Variants in CARMIL3 observed in about 807,000 individuals in gnomAD.
The protein encoded by CARMIL3 is capping protein regulator and myosin 1 linker 3.
CARMIL3 carries 88 observed loss-of-function variants against 180.8 expected under a neutral mutation model. The ratio of observed to expected loss-of-function variants is 0.49; its 90% CI spans 0.41 to 0.58. The LOEUF (loss-of-function observed/expected upper bound fraction) is 0.58. CARMIL3 is among the 20% of genes least tolerant of loss of function. The pLI is 0.00. For missense variants in CARMIL3, 1,548 were observed against 1,787.0 expected (o/e 0.87, Z 2.41); for synonymous variants, 696 against 714.5 (o/e 0.97, Z 0.41).
chr14:24,066,892 C>T (rs543044900), intron 36 of CARMIL3, among the ~76,000 whole-genome samples: 3 of 152,350 alleles, frequency 2.0e-5, no homozygotes, highest in Admixed American at 6.5e-5. Flanking sequence ...CAAACAGGAG[C>T]GATGCTTTGT....
intron 24 of CARMIL3, 54 bp from the exon 25 acceptor site, chr14:24,060,574 C>T: frequency 1.2e-6 from 2 of 1,600,548 alleles, no homozygotes; most frequent in Non-Finnish European, 1.7e-6. Flanking sequence ...GGGGTCCTAC[C>T]TGCGAAGATG....
In CARMIL3 at chr14:24,055,633, G is replaced by T. The variant is rs371319170; in HGVS notation, c.681+15G>T. 6.2e-7 allele frequency: 1 copy of T among 1,614,080 alleles called. No homozygotes were observed. The highest frequency in any genetic ancestry group is 8.5e-7 in the Non-Finnish European group (1 of 1,179,986). On this transcript the variant is annotated intron_variant, in intron 9 of 39. Transcript: ENST00000342740. The stretch of plus-strand genomic sequence containing the variant: ...ACTTGCGGCTGGTAGGAACTGGGAG[G>T]GGCTGGTGAGGTGGGAGAAGTAGTG...
At chr14:24,064,609 G>A (rs898993304) in intron 32 of CARMIL3, among the ~76,000 whole-genome samples, 4 of 152,074 alleles carry the variant, frequency 2.6e-5, no homozygotes, top group Non-Finnish European at 5.9e-5. Flanking sequence ...AGAGGGAGGT[G>A]GGGGGCAGCC....
Position 24,069,650 on chromosome 14 carries a change from C to T in CARMIL3, c.*246C>T, listed in dbSNP as rs556165567. 12 of 570,366 alleles carry T rather than the reference C, an allele frequency of 2.1e-5. No homozygotes were observed. Among genetic ancestry groups the T allele is most frequent in the African/African-American group, 1.9e-4 (10 of 53,386 alleles). The allele number at this position is 570,366 out of a possible 1,614,324, so 35.3% of individuals were successfully genotyped here. On this transcript the variant is annotated 3_prime_UTR_variant, in exon 40 of 40. Coordinates refer to ENST00000342740, the MANE Select transcript of CARMIL3 (RefSeq NM_138360.4). Reference sequence around the variant, plus strand: ...GCTTCTGGGTGGGGGCTTATCTCCTCCCCCAGGAGGGTGGATCTCTGTCCC... The same window carrying T: ...GCTTCTGGGTGGGGGCTTATCTCCTTCCCCAGGAGGGTGGATCTCTGTCCC...
chr14:24,065,737 A>G lies in CARMIL3; in HGVS notation c.3512A>G (p.Asp1171Gly). ...GLERAKGWSF[D>G]GKREGPGPDQ... ...GAAAGAGCCAAGGGTTGGAGCTTCGATGGGAAACGAGAGGTGAGTGGAGCC... is the reference window on the plus strand; with the variant it reads ...GAAAGAGCCAAGGGTTGGAGCTTCGGTGGGAAACGAGAGGTGAGTGGAGCC... The change falls in exon 34 of 40, where the codon GAT becomes GGT. Residue 1171 changes from aspartate (D) to glycine (G), a missense_variant. This residue lies in a region of CARMIL3 where 668 missense variants were observed against 687.8 expected (regional missense o/e 0.97). Coordinates refer to ENST00000342740, the MANE Select transcript of CARMIL3 (RefSeq NM_138360.4). The G allele has an allele frequency of 6.2e-7, 1 of 1,614,014 alleles. No individual in the cohort carries two copies. Among genetic ancestry groups the G allele is most frequent in the Non-Finnish European group, 8.5e-7 (1 of 1,179,896 alleles).
In CARMIL3 at chr14:24,054,907, G is replaced by T; in HGVS notation, c.460+99G>T. ...GGTGTTGCCTGGGCGGGCGGGCTTT[G>T]CCTGCCTGAAGGACTCCCAGCTCCC... On this transcript the variant is annotated intron_variant, in intron 6 of 39. Transcript: ENST00000342740. The surrounding 1 kb of genome is among the most constrained non-coding windows in gnomAD (Gnocchi z 5.1). 7.0e-7 allele frequency: 1 copy of T among 1,427,214 alleles called. No homozygotes were observed. The highest frequency in any genetic ancestry group is 9.7e-7 in the Non-Finnish European group (1 of 1,029,904). 88.4% of individuals were successfully genotyped at this position (1,427,214 alleles called of 1,614,324 possible).
At chr14:24,067,553 CT>C (rs2035799533) in intron 36 of CARMIL3, among the ~76,000 whole-genome samples, 1 of 152,274 alleles carries the variant, frequency 6.6e-6, no homozygotes, top group Non-Finnish European at 1.5e-5. Context: ...GCATCTGCCC[CT>C]CTCTCCCCTG....
intron 29 of CARMIL3, 91 bp from the exon 30 acceptor site, chr14:24,063,029 G>A (rs974721609): frequency 2.0e-5 from 31 of 1,557,404 alleles, no homozygotes; most frequent in Admixed American, 3.4e-5. Flanking sequence ...CCTGAGGAGC[G>A]AGGGGCAGGA....
At position 24,058,287 on chromosome 14, in the gene CARMIL3, G is replaced by A; in HGVS notation, c.1392+63G>A. 1 of 1,537,778 alleles carries A rather than the reference G, an allele frequency of 6.5e-7. No individual in the cohort carries two copies. The highest frequency in any genetic ancestry group is 8.8e-7 in the Non-Finnish European group (1 of 1,133,054). ...ATCCATGTGCATTTCTCAGACCTAA[G>A]TCAAACCCTGGCTCCATCTAGCCTC... On this transcript the variant is annotated intron_variant, in intron 17 of 39. Coordinates refer to ENST00000342740, the MANE Select transcript of CARMIL3 (RefSeq NM_138360.4). The surrounding 1 kb of genome is among the most constrained non-coding windows in gnomAD (Gnocchi z 6.4).
At chr14:24,056,512 C>T (rs1036673022) in intron 11 of CARMIL3, 110 bp from the exon 12 acceptor site, 3 of 1,453,046 alleles carry the variant, frequency 2.1e-6, no homozygotes, top group East Asian at 4.6e-5. Context: ...CCTGACACCT[C>T]CATCCTTGAC....
chr14:24,061,823 G>A lies in CARMIL3; in HGVS notation c.2480+151G>A. ...TAACCAAGTGCAACCTTGCTATTTA[G>A]GGTCTGGCTGGTCTTTGCCCTAGAA... On this transcript the variant is annotated intron_variant, in intron 27 of 39. Transcript: ENST00000342740. The surrounding 1 kb of genome is among the most constrained non-coding windows in gnomAD (Gnocchi z 4.1). 4 of 931,560 alleles carry A rather than the reference G, an allele frequency of 4.3e-6. No individual in the cohort carries two copies. Among genetic ancestry groups the A allele is most frequent in the Non-Finnish European group, 6.2e-6 (4 of 642,612 alleles). 57.7% of individuals were successfully genotyped at this position (931,560 alleles called of 1,614,324 possible).
At chr14:24,065,581 T>G in intron 33 of CARMIL3, 41 bp from the exon 34 acceptor site, 1 of 1,568,352 alleles carries the variant, frequency 6.4e-7, no homozygotes, top group Non-Finnish European at 8.6e-7. Flanking sequence ...GGGAGCCCCC[T>G]TCGACTGGGA....
chr14:24,066,297 G>C, intron 34 of CARMIL3, 101 bp from the exon 35 acceptor site: 1 of 1,372,102 alleles, frequency 7.3e-7, no homozygotes, highest in East Asian at 2.3e-5. Flanking sequence ...AGGGACTAAT[G>C]ACATGAGAAT....
rs1000516122 is a variant in CARMIL3 at position 24,054,402 on chromosome 14, G to A, written c.253G>A (p.Val85Met). Residue 85 changes from valine (V) to methionine (M), a missense_variant, in exon 5 of 40, where the codon GTG (valine) becomes ATG (methionine). Physicochemically the swap from Val to Met is conservative, Grantham distance 21. Transcript: ENST00000342740. The surrounding 1 kb of genome is among the most constrained non-coding windows in gnomAD (Gnocchi z 5.1). ...GACGCTTCGTCTCCCCCAGATCCTGGTGGAGACGGAGCGTGGCATGGTGAG... is the reference window on the plus strand; with the variant it reads ...GACGCTTCGTCTCCCCCAGATCCTGATGGAGACGGAGCGTGGCATGGTGAG... ...FNTLSQNQIL[V>M]ETERGMVSMR... 1.2e-6 allele frequency: 2 copies of A among 1,614,046 alleles called. No individual in the cohort carries two copies. The highest frequency in any genetic ancestry group is 1.3e-5 in the African/African-American group (1 of 74,934).
intron 33 of CARMIL3, 115 bp downstream of exon 33, chr14:24,065,388 C>T: frequency 1.7e-6 from 2 of 1,153,438 alleles, no homozygotes. Context: ...TTCTTGGGAA[C>T]ATTGGTCATT....
At chr14:24,064,659 G>GT (rs397748158) in intron 32 of CARMIL3, among the ~76,000 whole-genome samples, 2 of 152,120 alleles carry the variant, frequency 1.3e-5, no homozygotes, top group African/African-American at 2.4e-5. Context: ...GGCCCGGGGG[G>GT]TAGTGTTCCC....
Position 24,058,939 on chromosome 14 carries a change from G to T in CARMIL3, c.1524G>T (p.Lys508Asn). The T allele has an allele frequency of 6.2e-7, 1 of 1,614,212 alleles. No homozygotes were observed. Among genetic ancestry groups the T allele is most frequent in the South Asian group, 1.1e-5 (1 of 91,080 alleles). Reference protein sequence around the residue: ...LTLVPALGKNKSLKHLFLGKN... With the variant: ...LTLVPALGKNNSLKHLFLGKN... ...TGGTGCCTGCACTTGGCAAGAACAA[G>T]TCCCTCAAGCACCTGTTTTTGGGCA... Residue 508 changes from lysine (K) to asparagine (N), a missense_variant, in exon 19 of 40, where the codon AAG (lysine) becomes AAT (asparagine). Transcript: ENST00000342740. This position sits in a 1 kb window ranked among gnomAD's most constrained non-coding sequence, Gnocchi z 6.4.
rs1354723935 is a variant in CARMIL3, at chr14:24,060,642, G to A, written c.2076G>A (p.Leu692=). The part of the protein sequence containing the change: ...TSSAEQMLQR[L]CGRVQEEVRA... ...CTGTGCTCCAGATGCTGCAGCGGCT[G>A]TGTGGACGAGTGCAGGAGGAGGTGC... The change falls in exon 25 of 40, where the codon CTG becomes CTA. Residue 692 remains leucine (L), a synonymous_variant. Transcript: ENST00000342740. The A allele has an allele frequency of 3.1e-6, 5 of 1,613,844 alleles. No homozygotes were observed. In the African/African-American group the frequency reaches 6.7e-5, roughly 22 times the overall value.
At position 24,064,239 on chromosome 14, in the gene CARMIL3, C is replaced by T; in HGVS notation, c.2980-7C>T. The T allele has an allele frequency of 6.2e-7, 1 of 1,607,606 alleles. No homozygotes were observed. Among genetic ancestry groups the T allele is most frequent in the Non-Finnish European group, 8.5e-7 (1 of 1,176,620 alleles). On this transcript the variant is annotated splice_region_variant and splice_polypyrimidine_tract_variant and intron_variant, in intron 31 of 39. Transcript: ENST00000342740. ...TGAGATGTCCCACGGGACTTTCCTCCCAGCAGATGCCAGCACCTGGGACTC... is the reference window on the plus strand; with the variant it reads ...TGAGATGTCCCACGGGACTTTCCTCTCAGCAGATGCCAGCACCTGGGACTC...
Sources: allele counts gnomAD v4.1 joint callset (sites outside exome capture counted in the v4.1 genomes callset), GRCh38; gene constraint gnomAD v4.1.1; regional missense constraint gnomAD v4.1.1; non-coding constraint Gnocchi (gnomAD v3.1); transcripts MANE v1.5; gene names NCBI Gene and HGNC (gene_info 2026-07-23, HGNC 2026-07-21).